ACACA: variants seen among roughly 807,000 people sequenced by gnomAD.
The protein encoded by ACACA is acetyl-CoA carboxylase 1.
Under a neutral mutation model 296.1 loss-of-function variants are expected in ACACA, and 103 were observed. The observed-to-expected ratio is 0.35, with a 90% CI of 0.30 to 0.41. The LOEUF is 0.41. ACACA is among the 10% of genes least tolerant of loss of function. The pLI, the probability that ACACA is intolerant of heterozygous loss-of-function variation, is 1.00. For missense variants in ACACA, 1,554 were observed against 2,989.7 expected, an observed-to-expected ratio of 0.52 and a Z score of 11.20; for synonymous variants, 953 against 1,038.6, an observed-to-expected ratio of 0.92 and a Z score of 1.58.
chr17:37,168,619 C>T (rs940769408), intron 41 of ACACA, among the ~76,000 whole-genome samples: 8 of 151,846 alleles, frequency 5.3e-5, no homozygotes, highest in African/African-American at 1.9e-4. Context: ...CATACTACAA[C>T]CGATCTTATT....
chr17:37,238,211 T>A (rs967675656), intron 24 of ACACA, among the ~76,000 whole-genome samples: 4 of 152,096 alleles, frequency 2.6e-5, no homozygotes, highest in African/African-American at 9.7e-5. Context: ...ACCTCTTTAG[T>A]ACATATTTAA....
chr17:37,236,526 T>C (rs2080119943), intron 24 of ACACA, among the ~76,000 whole-genome samples: 1 of 152,094 alleles, frequency 6.6e-6, no homozygotes, highest in South Asian at 2.1e-4. Flanking sequence ...GACACTCTTT[T>C]TTAAAAACAC....
intron 3 of ACACA, among the ~76,000 whole-genome samples, chr17:37,285,217 A>G (rs192702551): frequency 5.9e-5 from 9 of 152,338 alleles, no homozygotes; most frequent in Non-Finnish European, 8.8e-5. Flanking sequence ...TCACAAAGAG[A>G]TAGGCAAAGG....
chr17:37,329,734 G>A (rs577310777), intron 3 of ACACA, among the ~76,000 whole-genome samples: 32 of 149,158 alleles, frequency 2.1e-4, no homozygotes, highest in Admixed American at 2.1e-3. Context: ...AAGGTCAGGA[G>A]TTCAAGACCA....
At chr17:37,399,323 T>G (rs1232145698) in intron 1 of ACACA, among the ~76,000 whole-genome samples, 2 of 152,090 alleles carry the variant, frequency 1.3e-5, no homozygotes, top group Non-Finnish European at 2.9e-5. Context: ...AGAATTCAAA[T>G]TCAGGAAAGT....
At chr17:37,329,811 G>A (rs2047788613) in intron 3 of ACACA, among the ~76,000 whole-genome samples, 1 of 151,420 alleles carries the variant, frequency 6.6e-6, no homozygotes, top group Admixed American at 6.6e-5. Flanking sequence ...CATGGTGGCA[G>A]GCGCCTGTAA....
At chr17:37,296,138 C>A (rs1433657612) in intron 3 of ACACA, among the ~76,000 whole-genome samples, 1 of 151,936 alleles carries the variant, frequency 6.6e-6, no homozygotes, top group Non-Finnish European at 1.5e-5. Flanking sequence ...CAGTGTATAT[C>A]CTATGTAAAG....
At chr17:37,271,637 A>G (rs2082075814) in intron 9 of ACACA, among the ~76,000 whole-genome samples, 1 of 152,038 alleles carries the variant, frequency 6.6e-6, no homozygotes. Context: ...CATGTATTAC[A>G]ATTAAAAAAA....
At chr17:37,268,725 C>CTATATATATA (rs1391160604) in intron 10 of ACACA, among the ~76,000 whole-genome samples, 24 of 111,616 alleles carry the variant, frequency 2.2e-4, no homozygotes, top group African/African-American at 8.0e-4. Context: ...ATCTATCTAT[C>CTATATATATA]TATCTATCTA....
At chr17:37,386,788 A>AT (rs1319220695) in intron 1 of ACACA, 1 of 152,232 alleles carries the variant, frequency 6.6e-6, no homozygotes, top group Non-Finnish European at 1.5e-5. Context: ...CTAAGCAATT[A>AT]TAAGAGTGAT....
chr17:37,187,607 T>C (rs1453221391), intron 39 of ACACA, among the ~76,000 whole-genome samples: 1 of 152,242 alleles, frequency 6.6e-6, no homozygotes, highest in East Asian at 1.9e-4. Context: ...ACAGAATTAG[T>C]GTACTGACTC....
At position 37,333,524 on chromosome 17, in the gene ACACA, C is replaced by T. The variant is rs187731185; in HGVS notation, c.86-3099G>A. Among the ~76,000 whole-genome samples the T allele has an allele frequency of 3.1e-3, 471 of 152,044 alleles. 10 individuals are homozygous for T. Among genetic ancestry groups the T allele is most frequent in the Admixed American group, 0.026 (395 of 15,254 alleles). ...AGAAGAAATAGAATGGGGAACCTCA[C>T]GGGGACATAGTTTCCTCCCCTCAGG... On this transcript the variant is annotated intron_variant, in intron 2 of 55. Coordinates refer to ENST00000616317, the MANE Select transcript of ACACA (RefSeq NM_198834.3).
chr17:37,365,097 C>T (rs372208702), intron 1 of ACACA, among the ~76,000 whole-genome samples: 2 of 152,008 alleles, frequency 1.3e-5, no homozygotes, highest in African/African-American at 2.4e-5. Flanking sequence ...CTCAGCCTCC[C>T]GAGTAGCTGG....
intron 52 of ACACA, among the ~76,000 whole-genome samples, chr17:37,102,108 G>A (rs2073394142): frequency 6.6e-6 from 1 of 151,842 alleles, no homozygotes; most frequent in Non-Finnish European, 1.5e-5. Flanking sequence ...CAATCCTTAG[G>A]ACAACTCAAC....
At chr17:37,179,663 C>T (rs927798873) in intron 40 of ACACA, among the ~76,000 whole-genome samples, 1 of 152,090 alleles carries the variant, frequency 6.6e-6, no homozygotes, top group Non-Finnish European at 1.5e-5. Flanking sequence ...CATTAACAAA[C>T]AGGAAAGACC....
intron 24 of ACACA, among the ~76,000 whole-genome samples, chr17:37,239,005 T>G (rs1385990420): frequency 2.6e-5 from 4 of 152,090 alleles, no homozygotes; most frequent in Non-Finnish European, 5.9e-5. Context: ...TGTTTTTAAT[T>G]TTTTGTAGAG....
intron 2 of ACACA, among the ~76,000 whole-genome samples, chr17:37,337,968 G>A (rs1474448162): frequency 6.6e-6 from 1 of 151,762 alleles, no homozygotes; most frequent in African/African-American, 2.4e-5. Context: ...GTAGTGGCGG[G>A]CACCTGTAGT....
At chr17:37,331,278 C>CTT in intron 2 of ACACA, among the ~76,000 whole-genome samples, 1 of 151,460 alleles carries the variant, frequency 6.6e-6, no homozygotes, top group African/African-American at 2.4e-5. Context: ...CCACAACACC[C>CTT]AGCTAATTTT....
At chr17:37,367,102 A>C (rs1266250305) in intron 1 of ACACA, 3 of 151,286 alleles carry the variant, frequency 2.0e-5, no homozygotes, top group Non-Finnish European at 4.4e-5. Context: ...AAAAATATAT[A>C]TATATATATC....
Sources: allele counts gnomAD v4.1 joint callset (sites outside exome capture counted in the v4.1 genomes callset), GRCh38; gene constraint gnomAD v4.1.1; transcripts MANE v1.5; gene names NCBI Gene and HGNC (gene_info 2026-07-23, HGNC 2026-07-21).